The following PRKD1 variants were observed in gnomAD, a reference collection of about 807,000 sequenced individuals.
The protein encoded by PRKD1 is serine/threonine-protein kinase D1.
Under a neutral mutation model 95.9 loss-of-function variants are expected in PRKD1, and 63 were observed. The observed-to-expected ratio is 0.66, with a 90% CI of 0.54 to 0.81. The LOEUF (loss-of-function observed/expected upper bound fraction) is 0.81, where lower values mean the gene tolerates loss of function less well. PRKD1 is among the 30% of genes least tolerant of loss of function. The pLI is 0.00. For synonymous variants in PRKD1, 425 were observed against 423.1 expected, an observed-to-expected ratio of 1.00 and a Z score of -0.05; for missense variants, 1,048 against 1,165.3, an observed-to-expected ratio of 0.90 and a Z score of 1.47.
intron 1 of PRKD1, among the ~76,000 whole-genome samples, chr14:29,802,864 A>G (rs1212831788): frequency 1.3e-5 from 2 of 152,146 alleles, no homozygotes; most frequent in Non-Finnish European, 2.9e-5. Flanking sequence ...AAAGCACATC[A>G]CTCACTCTAA....
At chr14:29,603,457 C>G (rs773909947) in intron 13 of PRKD1, among the ~76,000 whole-genome samples, 1 of 152,078 alleles carries the variant, frequency 6.6e-6, no homozygotes, top group Non-Finnish European at 1.5e-5. Flanking sequence ...TTATACTGCA[C>G]TGATAAGAAT....
At chr14:29,756,395 A>C (rs1394692842) in intron 1 of PRKD1, among the ~76,000 whole-genome samples, 1 of 152,176 alleles carries the variant, frequency 6.6e-6, no homozygotes, top group African/African-American at 2.4e-5. Flanking sequence ...GTATTCAAAA[A>C]TTTGAGGTAT....
intron 1 of PRKD1, among the ~76,000 whole-genome samples, chr14:29,757,953 T>C (rs995206415): frequency 2.6e-5 from 4 of 152,072 alleles, no homozygotes; most frequent in Non-Finnish European, 4.4e-5. Context: ...CACCAGATCA[T>C]GTTGACATTC....
At chr14:29,699,337 C>T (rs1022428281) in intron 2 of PRKD1, among the ~76,000 whole-genome samples, 1 of 152,122 alleles carries the variant, frequency 6.6e-6, no homozygotes, top group Admixed American at 6.6e-5. Flanking sequence ...CAATACTGGG[C>T]TTTTAATTTT....
At chr14:29,627,054 G>A (rs753869706) in intron 11 of PRKD1, among the ~76,000 whole-genome samples, 71 of 152,290 alleles carry the variant, frequency 4.7e-4, no homozygotes, top group African/African-American at 1.4e-3. Flanking sequence ...GTAATGTTAC[G>A]AAAACTGTTC....
At chr14:29,843,762 A>C (rs1306957593) in intron 1 of PRKD1, among the ~76,000 whole-genome samples, 2 of 152,206 alleles carry the variant, frequency 1.3e-5, no homozygotes, top group Admixed American at 1.3e-4. Context: ...GAATAGACCT[A>C]ATAATAAATA....
chr14:29,594,183 A>G (rs1453773178), intron 16 of PRKD1: 1 of 446,946 alleles, frequency 2.2e-6, no homozygotes, highest in East Asian at 7.0e-5. Flanking sequence ...CACTAACAGA[A>G]AAAATACATA....
In PRKD1 at chr14:29,917,517, A is replaced by G. The variant is rs1387660549; in HGVS notation, c.264+9732T>C. Among the ~76,000 whole-genome samples the G allele has an allele frequency of 2.0e-5, 3 of 152,224 alleles. No homozygotes were observed. In the East Asian group the frequency reaches 5.8e-4, roughly 29 times the overall value. On this transcript the variant is annotated intron_variant, in intron 1 of 17. Coordinates refer to ENST00000331968, the MANE Select transcript of PRKD1 (RefSeq NM_002742.3). ...AAACAGCAGGCTCATGTAATGATAC[A>G]TGGATTTCATATTTGAACAAATTAT...
intron 2 of PRKD1, among the ~76,000 whole-genome samples, chr14:29,693,361 G>T (rs1884338315): frequency 6.6e-6 from 1 of 151,716 alleles, no homozygotes; most frequent in Non-Finnish European, 1.5e-5. Flanking sequence ...TGCAAGTTTG[G>T]GTCTTATCAG....
At chr14:29,769,961 C>A (rs1888430398) in intron 1 of PRKD1, among the ~76,000 whole-genome samples, 1 of 152,070 alleles carries the variant, frequency 6.6e-6, no homozygotes, top group Non-Finnish European at 1.5e-5. Context: ...AGAAGTGGAA[C>A]CTTGAGGAGG....
intron 16 of PRKD1, among the ~76,000 whole-genome samples, chr14:29,590,148 G>T (rs572828382): frequency 9.9e-5 from 15 of 152,140 alleles, no homozygotes; most frequent in Admixed American, 2.0e-4. Context: ...CATATGTTTA[G>T]AAATTGAAAT....
At chr14:29,689,094 A>G (rs1335426489) in intron 2 of PRKD1, among the ~76,000 whole-genome samples, 1 of 152,046 alleles carries the variant, frequency 6.6e-6, no homozygotes, top group Non-Finnish European at 1.5e-5. Context: ...AATTGCAACA[A>G]AAGCCAAAAA....
chr14:29,794,869 T>A (rs1889741574), intron 1 of PRKD1, among the ~76,000 whole-genome samples: 1 of 152,174 alleles, frequency 6.6e-6, no homozygotes, highest in Admixed American at 6.6e-5. Flanking sequence ...TAAATTCTTC[T>A]AATTTATACT....
At chr14:29,634,800 G>A (rs536865183) in intron 7 of PRKD1, among the ~76,000 whole-genome samples, 21 of 152,140 alleles carry the variant, frequency 1.4e-4, no homozygotes, top group Middle Eastern at 3.4e-3. Flanking sequence ...TTGGGAGGCC[G>A]AGGCGGGTGG....
intron 1 of PRKD1, among the ~76,000 whole-genome samples, chr14:29,748,145 T>G (rs61978035): frequency 0.15 from 22,679 of 152,186 alleles, 2,018 homozygotes; most frequent in South Asian, 0.22. Context: ...GAATTATTAT[T>G]TGCAATATTT....
intron 1 of PRKD1, among the ~76,000 whole-genome samples, chr14:29,782,859 T>G (rs554672509): frequency 1.3e-5 from 2 of 152,222 alleles, no homozygotes; most frequent in South Asian, 4.1e-4. Flanking sequence ...TGTTTTTTAC[T>G]GCACATATCT....
At chr14:29,808,787 A>G (rs1020419895) in intron 1 of PRKD1, among the ~76,000 whole-genome samples, 2 of 152,156 alleles carry the variant, frequency 1.3e-5, no homozygotes, top group African/African-American at 4.8e-5. Context: ...GTCATCCATA[A>G]GTGTTGGAAT....
intron 4 of PRKD1, among the ~76,000 whole-genome samples, chr14:29,662,642 A>G: frequency 6.6e-6 from 1 of 152,106 alleles, no homozygotes; most frequent in East Asian, 1.9e-4. Flanking sequence ...CCTGGTTTAC[A>G]CTGTAAAAAA....
chr14:29,909,482 A>G (rs1462161631), intron 1 of PRKD1, among the ~76,000 whole-genome samples: 1 of 152,192 alleles, frequency 6.6e-6, no homozygotes, highest in African/African-American at 2.4e-5. Context: ...TCCTGAGTCT[A>G]GTAGGGACTC....
Sources: gnomAD v4.1 joint callset for allele counts (sites outside exome capture counted in the v4.1 genomes callset) on GRCh38, gnomAD v4.1.1 for gene constraint, MANE v1.5 for transcripts, NCBI Gene and HGNC (gene_info 2026-07-23, HGNC 2026-07-21) for gene names.